The following SUSD3 variants were observed in gnomAD, a reference collection of about 807,000 sequenced individuals.
The protein encoded by SUSD3 is sushi domain-containing protein 3.
In SUSD3, 18 loss-of-function variants were observed where a neutral mutation model predicts 20.6. The observed-to-expected ratio is 0.87, with a 90% CI of 0.60 to 1.30. SUSD3 has a LOEUF of 1.30. Ranked by LOEUF, SUSD3 falls within the 50% of genes most tolerant of loss-of-function variation. The pLI is 0.00. For missense variants in SUSD3, 306 were observed against 346.9 expected, an observed-to-expected ratio of 0.88 and a Z score of 0.94; for synonymous variants, 137 against 141.5, an observed-to-expected ratio of 0.97 and a Z score of 0.23.
At chr9:93,075,753 C>CT (rs755805300) in intron 1 of SUSD3, 31 bp from the exon 2 acceptor site, 5 of 334,014 alleles carry the variant, frequency 1.5e-5, no homozygotes, top group African/African-American at 1.0e-4. Flanking sequence ...CCCCCCCCCC[C>CT]GCCATGCCTC....
intron 1 of SUSD3, among the ~76,000 whole-genome samples, chr9:93,074,171 G>C (rs1406780227): frequency 3.9e-5 from 6 of 152,104 alleles, no homozygotes; most frequent in Non-Finnish European, 8.8e-5. Flanking sequence ...CTGGCCGGGT[G>C]TGGTGGCTCA....
chr9:93,075,999 G>C (rs769767174), intron 2 of SUSD3, 27 bp downstream of exon 2: 55 of 1,558,306 alleles, frequency 3.5e-5, no homozygotes, highest in Non-Finnish European at 4.7e-5. Flanking sequence ...CAGCTCGGTG[G>C]CTCTGGGGGT....
rs187409288 is a variant in SUSD3, at chr9:93,069,576, T to G, written c.89-6208T>G. Among the ~76,000 whole-genome samples the G allele has an allele frequency of 2.4e-3, 363 of 152,350 alleles. 1 individual carries two copies. The highest frequency in any genetic ancestry group is 8.4e-3 in the African/African-American group (351 of 41,578). Reference sequence around the variant, plus strand: ...TTTATAACTAATTTATTCTTTTTGATGCTGTTGTATAAAATGTTTTTCTTA... The same window carrying G: ...TTTATAACTAATTTATTCTTTTTGAGGCTGTTGTATAAAATGTTTTTCTTA... On this transcript the variant is annotated intron_variant, in intron 1 of 4. Coordinates refer to ENST00000375472, the MANE Select transcript of SUSD3 (RefSeq NM_145006.4).
At chr9:93,071,356 T>A (rs1322739870) in intron 1 of SUSD3, among the ~76,000 whole-genome samples, 4 of 152,216 alleles carry the variant, frequency 2.6e-5, no homozygotes, top group Non-Finnish European at 4.4e-5. Flanking sequence ...CGACAGCCGT[T>A]GGCAAGCCAC....
intron 4 of SUSD3, among the ~76,000 whole-genome samples, chr9:93,084,286 G>C (rs1826551073): frequency 6.6e-6 from 1 of 152,128 alleles, no homozygotes; most frequent in Non-Finnish European, 1.5e-5. Context: ...GCAAGTGTCT[G>C]ACTCCTGGGC....
intron 4 of SUSD3, among the ~76,000 whole-genome samples, chr9:93,079,889 A>G (rs1453812192): frequency 6.6e-6 from 1 of 152,016 alleles, no homozygotes; most frequent in Non-Finnish European, 1.5e-5. Flanking sequence ...CCCTCCACCT[A>G]CACCCAGCAG....
intron 1 of SUSD3, among the ~76,000 whole-genome samples, chr9:93,066,123 C>T (rs747471766): frequency 2.0e-5 from 3 of 152,250 alleles, no homozygotes; most frequent in Non-Finnish European, 4.4e-5. Context: ...GCCCTCCCCA[C>T]TCTGTGTACC....
At chr9:93,070,660 G>GCATT (rs1460378043) in intron 1 of SUSD3, among the ~76,000 whole-genome samples, 4 of 152,218 alleles carry the variant, frequency 2.6e-5, no homozygotes, top group African/African-American at 9.6e-5. Flanking sequence ...AGATGCCTTG[G>GCATT]CATTACACCT....
chr9:93,071,677 A>G (rs1689033263), intron 1 of SUSD3, among the ~76,000 whole-genome samples: 1 of 152,136 alleles, frequency 6.6e-6, no homozygotes, highest in Non-Finnish European at 1.5e-5. Flanking sequence ...AATATTAACC[A>G]TCACACTCCC....
chr9:93,064,404 TGGGGATGCTGGGAA>T (rs1255664556), intron 1 of SUSD3, among the ~76,000 whole-genome samples: 1 of 152,190 alleles, frequency 6.6e-6, no homozygotes, highest in Non-Finnish European at 1.5e-5. Flanking sequence ...GGACAGGCTC[TGGGGATGCTGGGAA>T]GGGGATGCTG....
At chr9:93,071,580 G>A (rs112276424) in intron 1 of SUSD3, among the ~76,000 whole-genome samples, 3 of 152,120 alleles carry the variant, frequency 2.0e-5, no homozygotes, top group Non-Finnish European at 4.4e-5. Flanking sequence ...GTCCACCGAC[G>A]CAAATGTTAA....
At position 93,084,788 on chromosome 9, in the gene SUSD3, C is replaced by A. The variant is rs1429057649; in HGVS notation, c.*41C>A. Reference sequence around the variant, plus strand: ...GGTGCCCATGCTCCACACTGGGAGGCCAGGCTGACCCCACCAGCCAGTCAG... The same window carrying A: ...GGTGCCCATGCTCCACACTGGGAGGACAGGCTGACCCCACCAGCCAGTCAG... On this transcript the variant is annotated 3_prime_UTR_variant, in exon 5 of 5. Coordinates refer to ENST00000375472, the MANE Select transcript of SUSD3 (RefSeq NM_145006.4). 4 of 1,432,648 alleles carry A rather than the reference C, an allele frequency of 2.8e-6. No individual in the cohort carries two copies. Among genetic ancestry groups the A allele is most frequent in the Non-Finnish European group, 3.7e-6 (4 of 1,091,964 alleles). The allele number at this position is 1,432,648 out of a possible 1,614,324, so 88.7% of individuals were successfully genotyped here.
At chr9:93,075,135 G>T (rs1490810154) in intron 1 of SUSD3, among the ~76,000 whole-genome samples, 1 of 152,142 alleles carries the variant, frequency 6.6e-6, no homozygotes, top group Non-Finnish European at 1.5e-5. Context: ...CTGTGGGTCT[G>T]CATTTTTCAT....
intron 1 of SUSD3, among the ~76,000 whole-genome samples, chr9:93,069,777 C>CA (rs1554747309): frequency 6.8e-6 from 1 of 147,378 alleles, no homozygotes; most frequent in Non-Finnish European, 1.5e-5. Flanking sequence ...TTACTTCTTC[C>CA]TTTTTTTTTT....
chr9:93,059,701 G>A (rs1178757121), intron 1 of SUSD3, among the ~76,000 whole-genome samples: 1 of 152,190 alleles, frequency 6.6e-6, no homozygotes, highest in Non-Finnish European at 1.5e-5. Context: ...GGCCCGGAGT[G>A]GGGTGGGCTG....
At chr9:93,077,612 T>G (rs1298816085) in intron 2 of SUSD3, among the ~76,000 whole-genome samples, 2 of 152,162 alleles carry the variant, frequency 1.3e-5, no homozygotes, top group Non-Finnish European at 2.9e-5. Context: ...AATAACCTGC[T>G]TCTTGGGGAG....
At chr9:93,074,356 G>C (rs1200562883) in intron 1 of SUSD3, among the ~76,000 whole-genome samples, 2 of 149,784 alleles carry the variant, frequency 1.3e-5, no homozygotes, top group Non-Finnish European at 2.9e-5. Context: ...CTTGAACCCA[G>C]GAGGTGGAGG....
At chr9:93,077,569 A>G (rs956419288) in intron 2 of SUSD3, among the ~76,000 whole-genome samples, 11 of 152,060 alleles carry the variant, frequency 7.2e-5, no homozygotes, top group Non-Finnish European at 1.5e-4. Context: ...CCCTTTAAAT[A>G]GCCACTCTGC....
At chr9:93,066,553 T>A (rs1825720193) in intron 1 of SUSD3, among the ~76,000 whole-genome samples, 1 of 151,982 alleles carries the variant, frequency 6.6e-6, no homozygotes, top group South Asian at 2.1e-4. Context: ...GTTTTAAATG[T>A]GTATTTCTTT....
Sources: allele counts gnomAD v4.1 joint callset (sites outside exome capture counted in the v4.1 genomes callset), GRCh38; gene constraint gnomAD v4.1.1; transcripts MANE v1.5; gene names NCBI Gene and HGNC (gene_info 2026-07-23, HGNC 2026-07-21).